The following ANKS1B variants were observed in gnomAD, a reference collection of about 807,000 sequenced individuals.
ANKS1B encodes ankyrin repeat and sterile alpha motif domain-containing protein 1B.
ANKS1B carries 36 observed loss-of-function variants against 148.3 expected under a neutral mutation model. The observed-to-expected ratio is 0.24, with a 90% CI of 0.19 to 0.32. The LOEUF is 0.32. ANKS1B is among the 10% of genes least tolerant of loss of function. ANKS1B has a pLI of 1.00. For synonymous variants in ANKS1B, 542 were observed against 560.8 expected (o/e 0.97, Z 0.47); for missense variants, 1,157 against 1,542.6 (o/e 0.75, Z 4.19).
At chr12:98,976,030 A>T (rs75649574) in intron 17 of ANKS1B, among the ~76,000 whole-genome samples, 12 of 152,258 alleles carry the variant, frequency 7.9e-5, no homozygotes, top group African/African-American at 2.7e-4. Context: ...AAAAAAATTT[A>T]AAAAGCATAT....
In ANKS1B at chr12:98,829,158, G is replaced by C. The variant is rs764757051; in HGVS notation, c.3066+16C>G. 1 of 1,613,742 alleles carries C rather than the reference G, an allele frequency of 6.2e-7. No homozygotes were observed. Among genetic ancestry groups the C allele is most frequent in the Non-Finnish European group, 8.5e-7 (1 of 1,179,728 alleles). ...GATATGGTTGAAAAATATCACAAAGGCTTATAACACCTTACCTGAGCCATC... is the reference window on the plus strand; with the variant it reads ...GATATGGTTGAAAAATATCACAAAGCCTTATAACACCTTACCTGAGCCATC... On this transcript the variant is annotated intron_variant, in intron 19 of 26. Coordinates refer to ENST00000683438, the MANE Select transcript of ANKS1B (RefSeq NM_001352186.2). The surrounding 1 kb of genome is among the most constrained non-coding windows in gnomAD (Gnocchi z 5.2).
intron 1 of ANKS1B, among the ~76,000 whole-genome samples, chr12:99,870,838 T>G (rs1471316642): frequency 1.3e-5 from 2 of 152,208 alleles, no homozygotes; most frequent in Non-Finnish European, 2.9e-5. Context: ...GTCAGATGTA[T>G]AGCTTGTGAA....
chr12:99,970,076 A>C (rs1603544710), intron 1 of ANKS1B, among the ~76,000 whole-genome samples: 1 of 152,212 alleles, frequency 6.6e-6, no homozygotes, highest in Non-Finnish European at 1.5e-5. Context: ...AATATTAAGT[A>C]ACAACAGTAT....
At chr12:99,902,847 T>C (rs1355137831) in intron 1 of ANKS1B, among the ~76,000 whole-genome samples, 1 of 151,166 alleles carries the variant, frequency 6.6e-6, no homozygotes, top group African/African-American at 2.4e-5. Flanking sequence ...ACCTCCTGGG[T>C]TAAAGCAATT....
At chr12:99,245,056 T>A (rs1296622375) in intron 13 of ANKS1B, among the ~76,000 whole-genome samples, 1 of 152,158 alleles carries the variant, frequency 6.6e-6, no homozygotes, top group Non-Finnish European at 1.5e-5. Flanking sequence ...GATTTTGCCA[T>A]GTTGGCCAGG....
At chr12:99,152,980 G>C (rs7978295) in intron 15 of ANKS1B, among the ~76,000 whole-genome samples, 9,861 of 151,956 alleles carry the variant, frequency 0.065, 868 homozygotes, top group African/African-American at 0.2. Flanking sequence ...TATATAACCA[G>C]TGACAGTACT....
chr12:99,210,554 G>A (rs1243096180), intron 14 of ANKS1B, among the ~76,000 whole-genome samples: 3 of 152,262 alleles, frequency 2.0e-5, no homozygotes, highest in East Asian at 3.9e-4. Context: ...TGCAATTGCT[G>A]TTCAAATTGT....
chr12:99,182,548 C>A (rs1354986919), intron 14 of ANKS1B, among the ~76,000 whole-genome samples: 1 of 152,018 alleles, frequency 6.6e-6, no homozygotes, highest in African/African-American at 2.4e-5. Context: ...ATTACATTTT[C>A]TTTATCAATT....
intron 17 of ANKS1B, among the ~76,000 whole-genome samples, chr12:98,930,743 C>T (rs1227151685): frequency 1.4e-5 from 2 of 139,664 alleles, no homozygotes; most frequent in Non-Finnish European, 3.1e-5. Context: ...AAAGTGGGGG[C>T]GGGGTAGTGA....
intron 2 of ANKS1B, among the ~76,000 whole-genome samples, chr12:99,812,588 G>T (rs1370916777): frequency 7.0e-6 from 1 of 143,786 alleles, no homozygotes. Context: ...AAGAGAGCGA[G>T]AGCACACATT....
chr12:99,288,667 T>G (rs2079481864), intron 12 of ANKS1B, among the ~76,000 whole-genome samples: 1 of 152,102 alleles, frequency 6.6e-6, no homozygotes, highest in Non-Finnish European at 1.5e-5. Flanking sequence ...AATTTGTTTT[T>G]GCAGTCAGGG....
intron 12 of ANKS1B, among the ~76,000 whole-genome samples, chr12:99,385,865 C>T (rs1176809828): frequency 1.3e-5 from 2 of 152,168 alleles, no homozygotes; most frequent in Non-Finnish European, 2.9e-5. Context: ...ATTAAAAATA[C>T]TTTGAAATTA....
At chr12:99,301,097 G>A (rs1377979344) in intron 12 of ANKS1B, among the ~76,000 whole-genome samples, 1 of 152,156 alleles carries the variant, frequency 6.6e-6, no homozygotes, top group Admixed American at 6.6e-5. Context: ...CAGGAGCTCT[G>A]ATGTCCAAGG....
intron 8 of ANKS1B, among the ~76,000 whole-genome samples, chr12:99,709,225 CTT>C (rs971805115): frequency 6.6e-6 from 1 of 152,084 alleles, no homozygotes; most frequent in Non-Finnish European, 1.5e-5. Context: ...AAAGTGAACA[CTT>C]AAAGAATTCT....
In ANKS1B at chr12:99,731,413, CGTGTGTGT is replaced by C. The variant is rs71088145; in HGVS notation, c.1128+41501_1128+41508del. On this transcript the variant is annotated intron_variant, in intron 8 of 26. Coordinates refer to ENST00000683438, the MANE Select transcript of ANKS1B (RefSeq NM_001352186.2). ...GGATTATAGGCGTGAACCACCGTGCCGTGTGTGTGTGTGTGTGTGTGTGTGTGTGTGTG... is the reference window on the plus strand; with the variant it reads ...GGATTATAGGCGTGAACCACCGTGCCGTGTGTGTGTGTGTGTGTGTGTGTG... Among the ~76,000 whole-genome samples the C allele has an allele frequency of 8.3e-3, 1,190 of 143,772 alleles. 7 individuals are homozygous for C. The highest frequency in any genetic ancestry group is 0.015 in the South Asian group (68 of 4,390). The allele number at this position is 143,772 out of a possible 152,430, so 94.3% of individuals were successfully genotyped here.
intron 14 of ANKS1B, among the ~76,000 whole-genome samples, chr12:99,203,753 G>C (rs949147036): frequency 6.6e-6 from 1 of 152,160 alleles, no homozygotes; most frequent in African/African-American, 2.4e-5. Context: ...ACCCGGCCAA[G>C]ACCTGCTTCT....
At chr12:99,774,802 A>G (rs927006794) in intron 7 of ANKS1B, among the ~76,000 whole-genome samples, 6 of 145,434 alleles carry the variant, frequency 4.1e-5, no homozygotes, top group African/African-American at 1.5e-4. Context: ...CACTACACAA[A>G]CAATGGACTA....
intron 8 of ANKS1B, among the ~76,000 whole-genome samples, chr12:99,749,850 G>A (rs1386414291): frequency 2.0e-5 from 3 of 151,666 alleles, no homozygotes; most frequent in Non-Finnish European, 4.4e-5. Flanking sequence ...TTACTTTGAG[G>A]GAAAATCCAG....
rs548000339 is a variant in ANKS1B, at chr12:99,691,156, A to G, written c.1129-35946T>C. On this transcript the variant is annotated intron_variant, in intron 8 of 26. Coordinates refer to ENST00000683438, the MANE Select transcript of ANKS1B (RefSeq NM_001352186.2). Reference sequence around the variant, plus strand: ...AGCTGAAGCAGCTGCGATGCAAGGCACCATGTTCCAAGGCTGCACAGAGCA... The same window carrying G: ...AGCTGAAGCAGCTGCGATGCAAGGCGCCATGTTCCAAGGCTGCACAGAGCA... 6.6e-5 allele frequency among the ~76,000 whole-genome samples: 10 copies of G among 152,334 alleles called. No individual in the cohort carries two copies. In the South Asian group the frequency reaches 2.1e-3, roughly 32 times the overall value.
Sources: allele counts gnomAD v4.1 joint callset (sites outside exome capture counted in the v4.1 genomes callset), GRCh38; gene constraint gnomAD v4.1.1; non-coding constraint Gnocchi (gnomAD v3.1); transcripts MANE v1.5; gene names NCBI Gene and HGNC (gene_info 2026-07-23, HGNC 2026-07-21).